DLC1: variants seen among roughly 807,000 people sequenced by gnomAD.
DLC1 encodes the protein DLC1 Rho GTPase activating protein, also known as rho GTPase-activating protein 7.
In DLC1, 54 loss-of-function variants were observed where a neutral mutation model predicts 140.3. The ratio of observed to expected loss-of-function variants is 0.38; its 90% CI spans 0.31 to 0.48. DLC1 has a LOEUF of 0.48. Ranked by LOEUF, DLC1 falls within the 20% of genes least tolerant of loss-of-function variation. DLC1 has a pLI of 0.96. For synonymous variants in DLC1, 986 were observed against 728.1 expected, an observed-to-expected ratio of 1.35 and a Z score of -5.70; for missense variants, 2,536 against 1,907.0, an observed-to-expected ratio of 1.33 and a Z score of -6.14.
intron 5 of DLC1, among the ~76,000 whole-genome samples, chr8:13,194,315 C>T (rs1826929774): frequency 6.6e-6 from 1 of 152,206 alleles, no homozygotes; most frequent in South Asian, 2.1e-4. Context: ...TCAACATCAG[C>T]CTCGGAAACT....
chr8:13,469,284 T>A (rs1800098229), intron 2 of DLC1, among the ~76,000 whole-genome samples: 1 of 152,252 alleles, frequency 6.6e-6, no homozygotes, highest in African/African-American at 2.4e-5. Flanking sequence ...AGATCAATAC[T>A]GCTTTGAAAA....
chr8:13,268,821 G>A (rs1008334592), intron 5 of DLC1, among the ~76,000 whole-genome samples: 1 of 147,148 alleles, frequency 6.8e-6, no homozygotes, highest in Non-Finnish European at 1.5e-5. Context: ...TTAAACCCGT[G>A]TTTCTCAACC....
intron 2 of DLC1, among the ~76,000 whole-genome samples, chr8:13,440,366 T>G (rs1798452940): frequency 6.6e-6 from 1 of 152,178 alleles, no homozygotes; most frequent in South Asian, 2.1e-4. Flanking sequence ...TTATTATTAT[T>G]TGAAAACATG....
chr8:13,434,634 T>C (rs1585101453), intron 2 of DLC1, among the ~76,000 whole-genome samples: 1 of 152,320 alleles, frequency 6.6e-6, no homozygotes, highest in African/African-American at 2.4e-5. Context: ...CCACATCCAC[T>C]GTGCAGCTGA....
intron 5 of DLC1, among the ~76,000 whole-genome samples, chr8:13,188,827 G>GTATATATATA (rs1563149780): frequency 3.5e-5 from 1 of 28,624 alleles, no homozygotes; most frequent in Non-Finnish European, 7.3e-5. Context: ...ATATATATAT[G>GTATATATATA]TATATATATA....
At chr8:13,386,118 G>A (rs914625600) in intron 4 of DLC1, among the ~76,000 whole-genome samples, 1 of 152,050 alleles carries the variant, frequency 6.6e-6, no homozygotes, top group Non-Finnish European at 1.5e-5. Flanking sequence ...AAGTCACATT[G>A]GTCCACGGAA....
At chr8:13,397,386 C>T (rs2117234003) in intron 3 of DLC1, among the ~76,000 whole-genome samples, 1 of 152,192 alleles carries the variant, frequency 6.6e-6, no homozygotes, top group South Asian at 2.1e-4. Context: ...AAATGGAGAG[C>T]AGCCAGAAGC....
intron 8 of DLC1, among the ~76,000 whole-genome samples, chr8:13,101,106 T>A (rs1819049837): frequency 6.6e-6 from 1 of 152,124 alleles, no homozygotes; most frequent in African/African-American, 2.4e-5. Context: ...AGCAGTAGTC[T>A]TACTATGCTG....
chr8:13,090,387 C>G lies in DLC1; in HGVS notation c.3939G>C (p.Leu1313=). The change falls in exon 15 of 18, where the codon CTG becomes CTC. Residue 1313 remains leucine (L), a synonymous_variant. Coordinates refer to ENST00000276297, the MANE Select transcript of DLC1 (RefSeq NM_182643.3). ...KPLTLEALGH[L]GNDDSADYQH... ...GGTAGTCAGCTGAGTCATCATTACC[C>G]AGGTGCCCGAGTGCTTCCAGAGTGA... 1.2e-6 allele frequency: 2 copies of G among 1,614,178 alleles called. No homozygotes were observed. Among genetic ancestry groups the G allele is most frequent in the Non-Finnish European group, 1.7e-6 (2 of 1,180,032 alleles).
chr8:13,323,628 A>T (rs1329876517), intron 4 of DLC1, among the ~76,000 whole-genome samples: 1 of 152,206 alleles, frequency 6.6e-6, no homozygotes, highest in Non-Finnish European at 1.5e-5. Context: ...TTGATTTCTA[A>T]CATTAAGGAA....
intron 4 of DLC1, among the ~76,000 whole-genome samples, chr8:13,309,096 T>C (rs1410122905): frequency 1.3e-5 from 2 of 152,238 alleles, no homozygotes; most frequent in Non-Finnish European, 2.9e-5. Context: ...GGCATATTTT[T>C]GAATCCATTA....
chr8:13,190,578 G>C (rs1826690491), intron 5 of DLC1, among the ~76,000 whole-genome samples: 1 of 152,168 alleles, frequency 6.6e-6, no homozygotes, highest in Non-Finnish European at 1.5e-5. Context: ...TTTGAGAAAG[G>C]CAAAAGTCAT....
At chr8:13,187,207 T>A (rs146979742) in intron 5 of DLC1, among the ~76,000 whole-genome samples, 2 of 152,134 alleles carry the variant, frequency 1.3e-5, no homozygotes, top group African/African-American at 4.8e-5. Flanking sequence ...ACAGAATGTA[T>A]AATTTATTTT....
chr8:13,230,338 G>A (rs541542315), intron 5 of DLC1, among the ~76,000 whole-genome samples: 33 of 152,282 alleles, frequency 2.2e-4, no homozygotes, highest in Admixed American at 2.0e-4. Flanking sequence ...AACCAGATTT[G>A]CACAGCAATT....
chr8:13,355,919 C>G (rs957483519), intron 4 of DLC1, among the ~76,000 whole-genome samples: 2 of 144,086 alleles, frequency 1.4e-5, no homozygotes, highest in Non-Finnish European at 1.6e-5. Flanking sequence ...CCCGTCTCTA[C>G]TAAAAAAAAA....
chr8:13,590,233 A>T (rs1805473748), intron 1 of DLC1, among the ~76,000 whole-genome samples: 1 of 151,960 alleles, frequency 6.6e-6, no homozygotes, highest in African/African-American at 2.4e-5. Flanking sequence ...ATATCTTTCC[A>T]ACATTCTGGT....
intron 4 of DLC1, among the ~76,000 whole-genome samples, chr8:13,329,411 G>T (rs1833497849): frequency 6.6e-6 from 1 of 152,114 alleles, no homozygotes; most frequent in African/African-American, 2.4e-5. Context: ...CCCTGTTGTT[G>T]ATTCTGGCCT....
chr8:13,421,115 A>G (rs532739844), intron 2 of DLC1, among the ~76,000 whole-genome samples: 4 of 152,182 alleles, frequency 2.6e-5, no homozygotes, highest in African/African-American at 9.6e-5. Flanking sequence ...CATGAAAAAG[A>G]CACCATTTTT....
intron 4 of DLC1, among the ~76,000 whole-genome samples, chr8:13,376,877 C>G (rs1332512929): frequency 6.6e-6 from 1 of 151,980 alleles, no homozygotes; most frequent in African/African-American, 2.4e-5. Context: ...TTCACCTGTT[C>G]AAAATTGGTT....
Sources: allele counts gnomAD v4.1 joint callset (sites outside exome capture counted in the v4.1 genomes callset), GRCh38; gene constraint gnomAD v4.1.1; transcripts MANE v1.5; gene names NCBI Gene and HGNC (gene_info 2026-07-23, HGNC 2026-07-21).